Variants in LOXHD1 observed in about 807,000 individuals in gnomAD.
The protein encoded by LOXHD1 is lipoxygenase homology PLAT domains 1.
A neutral mutation model predicts 248.2 loss-of-function variants in LOXHD1; 205 were observed. That is an observed-to-expected ratio of 0.83 (90% CI 0.74 to 0.93). The LOEUF is 0.93. LOXHD1 is among the 40% of genes least tolerant of loss of function. The probability of loss-of-function intolerance (pLI) is 0.00; values close to 1 mark genes in which losing one functional copy is unlikely to be tolerated. For missense variants in LOXHD1, 2,930 were observed against 2,971.6 expected, an observed-to-expected ratio of 0.99 and a Z score of 0.33; for synonymous variants, 1,113 against 1,162.8, an observed-to-expected ratio of 0.96 and a Z score of 0.87.
chr18:46,477,153 C>A (rs909911491), downstream of LOXHD1: 12 of 718,850 alleles, frequency 1.7e-5, no homozygotes, highest in Middle Eastern at 4.5e-4. Flanking sequence ...TGCTTCTCCA[C>A]TTCTATCCCC....
chr18:46,529,227 G>A lies in LOXHD1; in HGVS notation c.4480C>T (p.Arg1494Ter), dbSNP rs201587138. The A allele has an allele frequency of 1.0e-3, 1,609 of 1,551,550 alleles. 1 individual carries two copies. The highest frequency in any genetic ancestry group is 1.3e-3 in the Non-Finnish European group (1,481 of 1,146,978). The change falls in exon 29 of 41, where the codon CGA becomes TGA. Residue 1494 changes from arginine (R) to a stop codon, truncating the protein, a stop_gained. Coordinates refer to ENST00000642948, the MANE Select transcript of LOXHD1 (RefSeq NM_001384474.1). LOFTEE classifies it high-confidence loss of function. Reference sequence around the variant, plus strand: ...CGGTTCTCTGACTTGCCAAGGTATCGCTCCCCAGTGTCCCCGAGGTCTCCA... The same window carrying A: ...CGGTTCTCTGACTTGCCAAGGTATCACTCCCCAGTGTCCCCGAGGTCTCCA... Reference protein sequence around the residue: ...IYGDLGDTGERYLGKSENRTN... With the variant: ...IYGDLGDTGE
intron 37 of LOXHD1, among the ~76,000 whole-genome samples, chr18:46,496,293 T>A (rs1385932325): frequency 6.6e-6 from 1 of 152,168 alleles, no homozygotes; most frequent in Non-Finnish European, 1.5e-5. Context: ...CTTTTGCGCA[T>A]GTTTAAAATT....
In LOXHD1 at chr18:46,545,298, C is replaced by T. The variant is rs1217540038; in HGVS notation, c.3619+19G>A. On this transcript the variant is annotated intron_variant, in intron 23 of 40. Transcript: ENST00000642948. ...GGGGAAGAATGTGGGTGAATCTTGG[C>T]CCTGCACTGCTTTCTTACCAGTGTC... 1.3e-6 allele frequency: 2 copies of T among 1,521,534 alleles called. No homozygotes were observed. Among genetic ancestry groups the T allele is most frequent in the Non-Finnish European group, 1.8e-6 (2 of 1,119,610 alleles). 94.3% of individuals were successfully genotyped at this position (1,521,534 alleles called of 1,614,324 possible).
intron 5 of LOXHD1, among the ~76,000 whole-genome samples, chr18:46,613,879 G>C (rs1190600828): frequency 2.6e-5 from 4 of 152,094 alleles, no homozygotes; most frequent in Non-Finnish European, 5.9e-5. Flanking sequence ...AAACCCTACA[G>C]AGTAGAAATT....
chr18:46,610,954 C>T (rs2038499361), intron 5 of LOXHD1, 30 bp from the exon 6 acceptor site: 1 of 1,547,382 alleles, frequency 6.5e-7, no homozygotes, highest in African/African-American at 1.4e-5. Flanking sequence ...AAAGAAATTA[C>T]AAAAAGACCA....
chr18:46,559,016 G>A, intron 20 of LOXHD1: 3 of 634,736 alleles, frequency 4.7e-6, no homozygotes, highest in Admixed American at 2.4e-5. Context: ...TGCTCATGTG[G>A]TTCCATCTTC....
chr18:46,533,249 G>A lies in LOXHD1; in HGVS notation c.4288C>T (p.Leu1430=). 1 of 1,551,780 alleles carries A rather than the reference G, an allele frequency of 6.4e-7. No homozygotes were observed. The highest frequency in any genetic ancestry group is 1.2e-5 in the South Asian group (1 of 84,062). ...TCAGTGAAGATGTCATATGGAACCA[G>A]TTCTCGAATGGTCTTTTTGTCATCC... The part of the protein sequence containing the change: ...SEDDKKTIRE[L]VPYDIFTEKY... The change falls in exon 28 of 41, where the codon CTG becomes TTG. Residue 1430 remains leucine (L), a synonymous_variant. Transcript: ENST00000642948.
At chr18:46,544,960 C>T (rs2036733816) in intron 23 of LOXHD1, 1 of 482,066 alleles carries the variant, frequency 2.1e-6, no homozygotes, top group Admixed American at 2.3e-5. Flanking sequence ...CACTAAACAC[C>T]ACCTTCTCTG....
intron 21 of LOXHD1, among the ~76,000 whole-genome samples, chr18:46,549,352 A>AACG (rs1211022977): frequency 1.3e-5 from 1 of 77,440 alleles, no homozygotes; most frequent in East Asian, 3.7e-4. Flanking sequence ...TAAAAAATGG[A>AACG]ATGAGATTGC....
chr18:46,633,525 G>A (rs1005776768), intron 4 of LOXHD1, among the ~76,000 whole-genome samples: 1 of 152,088 alleles, frequency 6.6e-6, no homozygotes, highest in Admixed American at 6.5e-5. Flanking sequence ...ATTCTTAGAA[G>A]AAAACATGGG....
rs146937457 is a variant in LOXHD1 at position 46,543,342 on chromosome 18, C to T, written c.3620-487G>A. Among the ~76,000 whole-genome samples, 6 of 152,276 alleles carry T rather than the reference C, an allele frequency of 3.9e-5. No homozygotes were observed. In the East Asian group the frequency reaches 1.2e-3, roughly 29 times the overall value. On this transcript the variant is annotated intron_variant, in intron 23 of 40. Transcript: ENST00000642948. ...GCTCCATCTAAATTGTTGTATAAGACATTATTTCATTCCTTTTTATGGCTG... is the reference window on the plus strand; with the variant it reads ...GCTCCATCTAAATTGTTGTATAAGATATTATTTCATTCCTTTTTATGGCTG...
At position 46,601,316 on chromosome 18, in the gene LOXHD1, G is replaced by A; in HGVS notation, c.1035C>T (p.Asp345=). The A allele has an allele frequency of 6.4e-7, 1 of 1,551,680 alleles. No homozygotes were observed. The highest frequency in any genetic ancestry group is 1.4e-5 in the African/African-American group (1 of 73,148). ...GGACAGCCAGCTCGATGTGGAAGAT[G>A]TCCGTGCGGCCTCGGTCAAACACGC... is the stretch of plus-strand genomic sequence containing the variant. ...EGGVFDRGRT[D]IFHIELAVLL... Residue 345 remains aspartate (D), a synonymous_variant, in exon 8 of 41, where the codon GAC becomes GAT. Coordinates refer to ENST00000642948, the MANE Select transcript of LOXHD1 (RefSeq NM_001384474.1).
chr18:46,507,669 T>A lies in LOXHD1; in HGVS notation c.5561A>T (p.Tyr1854Phe). Residue 1854 changes from tyrosine (Y) to phenylalanine (F), a missense_variant, in exon 36 of 41, where the codon TAC becomes TTC. By Grantham distance (22) the Tyr-to-Phe change is conservative. Transcript: ENST00000642948. ...NMNTGDLTMF[Y>F]YGDWLSQRKG... ...CCGCTGGGACAGCCAGTCTCCATAG[T>A]AGAACATGGTCAGGTCTCCAGTGTT... 1 of 1,551,736 alleles carries A rather than the reference T, an allele frequency of 6.4e-7. No homozygotes were observed. The highest frequency in any genetic ancestry group is 1.2e-5 in the South Asian group (1 of 84,060).
chr18:46,538,013 G>A, intron 26 of LOXHD1, 143 bp downstream of exon 26: 2 of 704,922 alleles, frequency 2.8e-6, no homozygotes, highest in South Asian at 5.2e-5. Flanking sequence ...CTGAGGCCCA[G>A]GAAGGTAGGA....
intron 37 of LOXHD1, among the ~76,000 whole-genome samples, chr18:46,498,937 A>G (rs1185791853): frequency 4.6e-5 from 7 of 152,152 alleles, no homozygotes; most frequent in Non-Finnish European, 1.0e-4. Flanking sequence ...CCCCTCAGTC[A>G]CCTACAGGGG....
chr18:46,517,672 T>C (rs2035331475), intron 34 of LOXHD1, among the ~76,000 whole-genome samples: 1 of 152,214 alleles, frequency 6.6e-6, no homozygotes, highest in East Asian at 1.9e-4. Context: ...AGTCTTTTTT[T>C]AATGTTTTGA....
Position 46,559,453 on chromosome 18 carries a change from C to G in LOXHD1, c.3211G>C (p.Gly1071Arg). The change falls in exon 20 of 41, where the codon GGG (glycine) becomes CGG (arginine). Residue 1071 changes from glycine to arginine, a missense_variant. Transcript: ENST00000642948. ...GCCAGAGACCCTCACCCTACCTGCC[C>G]CTGCTCAAATTTGTTGGACTTGTCT... is the stretch of plus-strand genomic sequence containing the variant. Reference protein sequence around the residue: ...KSDKSNKFEQGQTDTFTIYAI... With the variant: ...KSDKSNKFEQRQTDTFTIYAI... 1 of 1,552,112 alleles carries G rather than the reference C, an allele frequency of 6.4e-7. No individual in the cohort carries two copies. The highest frequency in any genetic ancestry group is 8.7e-7 in the Non-Finnish European group (1 of 1,147,072).
At chr18:46,631,536 G>A (rs1352619809) in intron 4 of LOXHD1, among the ~76,000 whole-genome samples, 4 of 152,216 alleles carry the variant, frequency 2.6e-5, no homozygotes, top group African/African-American at 7.2e-5. Context: ...ATGCCGTCCA[G>A]AGAGGCTGAG....
At chr18:46,562,081 C>T (rs571308603) in intron 18 of LOXHD1, among the ~76,000 whole-genome samples, 16 of 152,318 alleles carry the variant, frequency 1.1e-4, no homozygotes, top group African/African-American at 2.6e-4. Context: ...TGAAGCCAGC[C>T]GGGCAGGTAT....
Sources: allele counts gnomAD v4.1 joint callset (sites outside exome capture counted in the v4.1 genomes callset), GRCh38; gene constraint gnomAD v4.1.1; transcripts MANE v1.5; gene names NCBI Gene and HGNC (gene_info 2026-07-23, HGNC 2026-07-21).